The following KCNJ15 variants were observed in gnomAD, a reference collection of about 807,000 sequenced individuals.
KCNJ15 encodes potassium inwardly rectifying channel subfamily J member 15, also known as ATP-sensitive inward rectifier potassium channel 15.
KCNJ15 carries 14 observed loss-of-function variants against 23.0 expected under a neutral mutation model. That is an observed-to-expected ratio of 0.61 (90% CI 0.40 to 0.95). The LOEUF (loss-of-function observed/expected upper bound fraction) is 0.95, where lower values mean the gene tolerates loss of function less well. KCNJ15 is among the 40% of genes least tolerant of loss of function. The probability of loss-of-function intolerance (pLI) is 0.00; values close to 1 mark genes in which losing one functional copy is unlikely to be tolerated. For synonymous variants in KCNJ15, 185 were observed against 183.2 expected, an observed-to-expected ratio of 1.01 and a Z score of -0.08; for missense variants, 388 against 461.8, an observed-to-expected ratio of 0.84 and a Z score of 1.46.
At chr21:38,241,050 G>C (rs952951999) in intron 1 of KCNJ15, among the ~76,000 whole-genome samples, 14 of 152,204 alleles carry the variant, frequency 9.2e-5, no homozygotes, top group African/African-American at 3.4e-4. Flanking sequence ...TAATGAGTAT[G>C]CAAATACAAG....
upstream of KCNJ15, among the ~76,000 whole-genome samples, chr21:38,252,334 G>A (rs142815133): frequency 3.2e-4 from 48 of 152,280 alleles, no homozygotes; most frequent in Non-Finnish European, 4.7e-4. Flanking sequence ...CCCAGGTAGA[G>A]TAAATTCCCC....
In KCNJ15 at chr21:38,301,078, T is replaced by A. The variant is rs1000940102; in HGVS notation, c.*689T>A. 6.0e-6 allele frequency: 1 copy of A among 166,796 alleles called. No individual in the cohort carries two copies. The highest frequency in any genetic ancestry group is 1.5e-5 in the Non-Finnish European group (1 of 68,114). 10.3% of individuals were successfully genotyped at this position (166,796 alleles called of 1,614,324 possible). On this transcript the variant is annotated 3_prime_UTR_variant, in exon 3 of 3. Coordinates refer to ENST00000398938, the MANE Select transcript of KCNJ15 (RefSeq NM_170736.3). ...ATTTTATTTATTTTTGAATCCACTATCTCTTTCCATTCAAAATATTTCCAT... is the reference window on the plus strand; with the variant it reads ...ATTTTATTTATTTTTGAATCCACTAACTCTTTCCATTCAAAATATTTCCAT...
At chr21:38,233,031 T>C (rs1978372163) in intron 1 of KCNJ15, among the ~76,000 whole-genome samples, 1 of 152,060 alleles carries the variant, frequency 6.6e-6, no homozygotes, top group East Asian at 1.9e-4. Flanking sequence ...TTCTATACAT[T>C]ATTGAAAGTG....
intron 1 of KCNJ15, among the ~76,000 whole-genome samples, chr21:38,295,371 A>T (rs546166804): frequency 3.3e-5 from 5 of 152,190 alleles, no homozygotes; most frequent in African/African-American, 1.2e-4. Context: ...GATGAATCCA[A>T]TTTTTCCGAA....
At chr21:38,279,150 T>TGGAAAGTTTCTTTGTGTAATATAATACAG in intron 1 of KCNJ15, among the ~76,000 whole-genome samples, 1 of 152,036 alleles carries the variant, frequency 6.6e-6, no homozygotes, top group African/African-American at 2.4e-5. Context: ...GGGTGCTGAG[T>TGGAAAGTTTCTTTGTGTAATATAATACAG]ATTTTTCAGT....
At chr21:38,263,436 G>A (rs996450793) in intron 1 of KCNJ15, among the ~76,000 whole-genome samples, 10 of 152,140 alleles carry the variant, frequency 6.6e-5, no homozygotes, top group Admixed American at 2.0e-4. Context: ...ACTCAAATAG[G>A]TTCAGAAAAC....
At chr21:38,242,689 G>T (rs1485108898) in intron 1 of KCNJ15, among the ~76,000 whole-genome samples, 2 of 152,036 alleles carry the variant, frequency 1.3e-5, no homozygotes, top group African/African-American at 4.8e-5. Context: ...CAACTTCTTG[G>T]CTGACTCCTC....
Position 38,301,883 on chromosome 21 carries a change from T to A in KCNJ15, c.*1494T>A, listed in dbSNP as rs976882832. Reference sequence around the variant, plus strand: ...GATTTGCGCATTCACTCAAGCAGAATGTGGCCATGAATATTCAGCCCCTGC... The same window carrying A: ...GATTTGCGCATTCACTCAAGCAGAAAGTGGCCATGAATATTCAGCCCCTGC... On this transcript the variant is annotated 3_prime_UTR_variant, in exon 3 of 3. Coordinates refer to ENST00000398938, the MANE Select transcript of KCNJ15 (RefSeq NM_170736.3). 6.0e-6 allele frequency: 1 copy of A among 166,882 alleles called. No individual in the cohort carries two copies. Among genetic ancestry groups the A allele is most frequent in the Non-Finnish European group, 1.5e-5 (1 of 68,126 alleles). The allele number at this position is 166,882 out of a possible 1,614,324, so 10.3% of individuals were successfully genotyped here.
Position 38,303,382 on chromosome 21 carries a change from A to G in KCNJ15, c.*2993A>G, listed in dbSNP as rs1255735458. 1 of 151,984 alleles carries G rather than the reference A, an allele frequency of 6.6e-6. No individual in the cohort carries two copies. Among genetic ancestry groups the G allele is most frequent in the Non-Finnish European group, 1.5e-5 (1 of 67,994 alleles). 9.4% of individuals were successfully genotyped at this position (151,984 alleles called of 1,614,324 possible). A position where few individuals can be genotyped will look rare whatever the true frequency, so the allele number is the denominator to read the frequency against. ...GTTTTCTCAATGAGACCATTAAAAA[A>G]CGTTGTGTTCCATTTGAGAAACCAG... On this transcript the variant is annotated 3_prime_UTR_variant, in exon 3 of 3. Transcript: ENST00000398938.
rs114324392 is a variant in KCNJ15, at chr21:38,306,624, C to G, written c.*6235C>G. 2 of 152,132 alleles carry G rather than the reference C, an allele frequency of 1.3e-5. No homozygotes were observed. The highest frequency in any genetic ancestry group is 4.8e-5 in the African/African-American group (2 of 41,430). The allele number at this position is 152,132 out of a possible 1,614,324, so 9.4% of individuals were successfully genotyped here. A position where few individuals can be genotyped will look rare whatever the true frequency, so the allele number is the denominator to read the frequency against. ...ATTACAGGAAGTATGACTGTATCAG[C>G]GGCTTTTTACAAAAACAAACCTCCA... On this transcript the variant is annotated 3_prime_UTR_variant, in exon 3 of 3. Transcript: ENST00000398938.
chr21:38,291,528 A>T (rs1423157717), intron 1 of KCNJ15: 1 of 152,234 alleles, frequency 6.6e-6, no homozygotes, highest in Non-Finnish European at 1.5e-5. Context: ...GACTTTCTCC[A>T]TTCCTTTGTT....
chr21:38,280,478 G>A (rs2836277), intron 1 of KCNJ15, among the ~76,000 whole-genome samples: 34,291 of 152,000 alleles, frequency 0.23, 4,155 homozygotes, highest in East Asian at 0.35. Flanking sequence ...TCAGGGGCAC[G>A]TCAGGGTGAG....
chr21:38,231,025 C>T lies in KCNJ15; in HGVS notation c.-398-26021C>T, dbSNP rs1475525959. Among the ~76,000 whole-genome samples, 3 of 152,054 alleles carry T rather than the reference C, an allele frequency of 2.0e-5. No individual in the cohort carries two copies. The East Asian group carries it at 5.8e-4, about 29-fold the overall frequency. On this transcript the variant is annotated intron_variant, in intron 1 of 4. Coordinates refer to the KCNJ15 transcript ENST00000547341. ...AATTTGATGAGTGTTGCTATTTTAA[C>T]AATAACAACTCTTCCAATCCATGAA...
At chr21:38,280,169 G>A (rs1983167277) in intron 1 of KCNJ15, among the ~76,000 whole-genome samples, 1 of 152,166 alleles carries the variant, frequency 6.6e-6, no homozygotes, top group African/African-American at 2.4e-5. Flanking sequence ...GGAAGCACCT[G>A]TCTAACTTAA....
At chr21:38,238,073 G>A (rs983702153) in intron 1 of KCNJ15, 1 of 318,146 alleles carries the variant, frequency 3.1e-6, no homozygotes, top group African/African-American at 2.2e-5. Flanking sequence ...TCTAGGGTGA[G>A]TGGGTGCCCA....
At position 38,306,857 on chromosome 21, in the gene KCNJ15, G is replaced by A. The variant is rs1986073658; in HGVS notation, c.*6468G>A. The A allele has an allele frequency of 6.6e-6, 1 of 152,210 alleles. No individual in the cohort carries two copies. Among genetic ancestry groups the A allele is most frequent in the Non-Finnish European group, 1.5e-5 (1 of 68,038 alleles). 9.4% of individuals were successfully genotyped at this position (152,210 alleles called of 1,614,324 possible). A position where few individuals can be genotyped will look rare whatever the true frequency, so the allele number is the denominator to read the frequency against. The stretch of plus-strand genomic sequence containing the variant: ...CAAAATGCTACTTAATGAAATTCAT[G>A]GGAATGTTATGGTGATGGAAATCCC... On this transcript the variant is annotated 3_prime_UTR_variant, in exon 3 of 3. Coordinates refer to ENST00000398938, the MANE Select transcript of KCNJ15 (RefSeq NM_170736.3).
chr21:38,237,503 T>A (rs1213116171), intron 1 of KCNJ15: 2 of 152,434 alleles, frequency 1.3e-5, no homozygotes, highest in East Asian at 3.9e-4. Flanking sequence ...TATTGCACTG[T>A]CTCAATACCC....
intron 1 of KCNJ15, among the ~76,000 whole-genome samples, chr21:38,260,196 G>C (rs1980732873): frequency 2.0e-5 from 3 of 152,066 alleles, no homozygotes. Context: ...AAAAATGAGG[G>C]GGTAGATATT....
chr21:38,277,875 T>C (rs1982895204), intron 1 of KCNJ15, among the ~76,000 whole-genome samples: 1 of 152,180 alleles, frequency 6.6e-6, no homozygotes, highest in South Asian at 2.1e-4. Flanking sequence ...GATTAAGTCA[T>C]TGACTCATTT....
Sources: allele counts gnomAD v4.1 joint callset (sites outside exome capture counted in the v4.1 genomes callset), GRCh38; gene constraint gnomAD v4.1.1; transcripts MANE v1.5; gene names NCBI Gene and HGNC (gene_info 2026-07-23, HGNC 2026-07-21).